Variants in DNAH1 observed in about 807,000 individuals in gnomAD.
DNAH1 encodes the protein dynein axonemal heavy chain 1, also known as axonemal beta dynein heavy chain 1.
DNAH1 carries 327 observed loss-of-function variants against 484.3 expected under a neutral mutation model. The observed-to-expected ratio is 0.68, with a 90% CI of 0.62 to 0.74. The LOEUF is 0.74. DNAH1 is among the 30% of genes least tolerant of loss of function. DNAH1 has a pLI of 0.00. For synonymous variants in DNAH1, 2,192 were observed against 2,191.9 expected, an observed-to-expected ratio of 1.00 and a Z score of 0.00; for missense variants, 5,052 against 5,546.8, an observed-to-expected ratio of 0.91 and a Z score of 2.83.
Position 52,354,871 on chromosome 3 carries a change from C to T in DNAH1, c.3509C>T (p.Ser1170Leu), listed in dbSNP as rs376804969. ...CTGGACAAGATGGAGAAGGAGTGGT[C>T]GACCATCCTGTTCAATGTACTGCCC... ...QALDKMEKEW[S>L]TILFNVLPYK... is the part of the protein sequence containing the mutation. The change falls in exon 21 of 78, where the codon TCG (serine) becomes TTG (leucine). Residue 1170 changes from serine (S) to leucine (L), a missense_variant. Transcript: ENST00000420323. 18 of 1,613,682 alleles carry T rather than the reference C, an allele frequency of 1.1e-5. No homozygotes were observed. The highest frequency in any genetic ancestry group is 1.0e-4 in the Admixed American group (6 of 59,994).
intron 16 of DNAH1, 127 bp downstream of exon 16, chr3:52,350,717 G>A: frequency 3.4e-6 from 3 of 892,086 alleles, no homozygotes; most frequent in Non-Finnish European, 5.3e-6. Flanking sequence ...ACCCCACTGA[G>A]ATTTCAGAGG....
At chr3:52,350,264 G>A (rs1049632278) in intron 15 of DNAH1, among the ~76,000 whole-genome samples, 156 bp downstream of exon 15, 5 of 152,070 alleles carry the variant, frequency 3.3e-5, no homozygotes, top group Non-Finnish European at 5.9e-5. Context: ...GTTGTGAGCC[G>A]GGGCTTCAGA....
chr3:52,373,882 C>T lies in DNAH1; in HGVS notation c.6985+829C>T. The stretch of plus-strand genomic sequence containing the variant: ...GCAGTTAACATGTTTCGAATATTAC[C>T]ACCTTCCTCCAATCCTACGGGAGCA... On this transcript the variant is annotated intron_variant, in intron 44 of 77. Coordinates refer to ENST00000420323, the MANE Select transcript of DNAH1 (RefSeq NM_015512.5). 2.9e-6 allele frequency: 4 copies of T among 1,391,248 alleles called. No individual in the cohort carries two copies. The South Asian group carries it at 3.5e-5, about 12-fold the overall frequency. The allele number at this position is 1,391,248 out of a possible 1,614,324, so 86.2% of individuals were successfully genotyped here. A position where few individuals can be genotyped will look rare whatever the true frequency, so the allele number is the denominator to read the frequency against.
intron 6 of DNAH1, among the ~76,000 whole-genome samples, chr3:52,329,414 A>AG (rs1701461328): frequency 6.6e-6 from 1 of 152,190 alleles, no homozygotes. Flanking sequence ...AAAATAGGTG[A>AG]GCTATAGACC....
chr3:52,323,699 G>A (rs1701232169), intron 2 of DNAH1, 109 bp from the exon 3 acceptor site: 5 of 717,656 alleles, frequency 7.0e-6, no homozygotes, highest in Non-Finnish European at 1.2e-5. Flanking sequence ...TGCTCCTGGA[G>A]TGCTCCCTGG....
rs772936323 is a variant in DNAH1 at position 52,354,845 on chromosome 3, A to G, written c.3483A>G (p.Ala1161=). ...VAGKEYAIEQ[A]LDKMEKEWST... ...GCCTGGCTTGTCCCCGACCCCAGGC[A>G]CTGGACAAGATGGAGAAGGAGTGGT... The change falls in exon 21 of 78, where the codon GCA becomes GCG. Residue 1161 remains alanine (A), a splice_region_variant and synonymous_variant. Transcript: ENST00000420323. The G allele has an allele frequency of 6.2e-7, 1 of 1,613,408 alleles. No homozygotes were observed. Among genetic ancestry groups the G allele is most frequent in the Non-Finnish European group, 8.5e-7 (1 of 1,179,830 alleles).
chr3:52,384,686 TG>T, intron 52 of DNAH1, 99 bp from the exon 53 acceptor site: 1 of 1,241,742 alleles, frequency 8.1e-7, no homozygotes, highest in Non-Finnish European at 1.1e-6. Flanking sequence ...GTTCCTGCTG[TG>T]GCCCCCTCCT....
intron 76 of DNAH1, 127 bp from the exon 77 acceptor site, chr3:52,399,418 G>A (rs1422870274): frequency 1.0e-6 from 1 of 980,016 alleles, no homozygotes; most frequent in Non-Finnish European, 1.5e-6. Flanking sequence ...ATGGGCTAAA[G>A]TGGTAGGTAC....
rs371591163 is a variant in DNAH1, at chr3:52,357,623, G to C, written c.3868G>C (p.Val1290Leu). The C allele has an allele frequency of 2.5e-5, 40 of 1,600,362 alleles. No homozygotes were observed. In the African/African-American group the frequency reaches 5.0e-4, roughly 20 times the overall value. The change falls in exon 23 of 78, where the codon GTG (valine) becomes CTG (leucine). Residue 1290 changes from valine to leucine, a missense_variant. This residue lies in a region of DNAH1 where 2,929 missense variants were observed against 3,409.4 expected (regional missense o/e 0.86). Coordinates refer to ENST00000420323, the MANE Select transcript of DNAH1 (RefSeq NM_015512.5). ...GGCCCGGGCCCTGCAGGTGATCAAT[G>C]TGTGTTCCGACCTGAGAATGCTGGA... The part of the protein sequence containing the change: ...NAYENREVIN[V>L]CSDLRMLDSL...
rs1010766404 is a variant in DNAH1 at position 52,363,121 on chromosome 3, T to G, written c.5221T>G (p.Ser1741Ala). 1 of 1,613,832 alleles carries G rather than the reference T, an allele frequency of 6.2e-7. No individual in the cohort carries two copies. The highest frequency in any genetic ancestry group is 1.3e-5 in the African/African-American group (1 of 74,932). The change falls in exon 32 of 78, where the codon TCT (serine) becomes GCT (alanine). Residue 1741 changes from serine (S) to alanine (A), a missense_variant. This residue lies in a region of DNAH1 where 2,929 missense variants were observed against 3,409.4 expected (regional missense o/e 0.86). Coordinates refer to ENST00000420323, the MANE Select transcript of DNAH1 (RefSeq NM_015512.5). ...AKKITTTFKLSSEQLSSQDHY... is the reference protein window; with the variant it reads ...AKKITTTFKLASEQLSSQDHY... Reference sequence around the variant, plus strand: ...GAAGATCACAACCACCTTCAAGCTGTCTTCTGAGCAGCTCAGCTCCCAGGT... The same window carrying G: ...GAAGATCACAACCACCTTCAAGCTGGCTTCTGAGCAGCTCAGCTCCCAGGT...
Position 52,364,959 on chromosome 3 carries a change from G to A in DNAH1, c.5458G>A (p.Gly1820Ser), listed in dbSNP as rs751526472. The change falls in exon 34 of 78, where the codon GGC becomes AGC. Residue 1820 changes from glycine to serine, a missense_variant. By Grantham distance (56) the Gly-to-Ser change is moderately conservative. Around this residue, in one of 4 missense-constraint regions of DNAH1, gnomAD observed 2,929 missense variants for 3,409.4 expected, o/e 0.86. Coordinates refer to ENST00000420323, the MANE Select transcript of DNAH1 (RefSeq NM_015512.5). The surrounding 1 kb of genome is among the most constrained non-coding windows in gnomAD (Gnocchi z 4.2). ...CATCAAGGAGGAGGACACGGACTACGGCATCCTGGATGAGGCCATCCGCGA... is the reference window on the plus strand; with the variant it reads ...CATCAAGGAGGAGGACACGGACTACAGCATCCTGGATGAGGCCATCCGCGA... ...PTIKEEDTDY[G>S]ILDEAIREAC... 1.1e-5 allele frequency: 18 copies of A among 1,613,828 alleles called. No homozygotes were observed. The highest frequency in any genetic ancestry group is 1.7e-5 in the Admixed American group (1 of 60,010).
At position 52,398,901 on chromosome 3, in the gene DNAH1, G is replaced by A. The variant is rs757818387; in HGVS notation, c.12141G>A (p.Lys4047=). ...VITQTLQDLL[K]ALKGLVVMSS... ...CACAGACACTGCAAGACCTACTCAAGGCACTCAAGGGGCTGGTAGTGATGT... is the reference window on the plus strand; with the variant it reads ...CACAGACACTGCAAGACCTACTCAAAGCACTCAAGGGGCTGGTAGTGATGT... Residue 4047 remains lysine, a synonymous_variant, in exon 76 of 78, where the codon AAG becomes AAA. Coordinates refer to ENST00000420323, the MANE Select transcript of DNAH1 (RefSeq NM_015512.5). The A allele has an allele frequency of 1.9e-6, 3 of 1,602,014 alleles. No homozygotes were observed. The South Asian group carries it at 3.4e-5, about 18-fold the overall frequency.
intron 2 of DNAH1, among the ~76,000 whole-genome samples, chr3:52,323,454 G>A (rs896622029): frequency 2.0e-5 from 3 of 152,228 alleles, no homozygotes; most frequent in Non-Finnish European, 4.4e-5. Context: ...CATTAAACCT[G>A]CAGTGCCAGT....
chr3:52,335,366 A>AT lies in DNAH1; in HGVS notation c.1286+2981dup, dbSNP rs1342946778. On this transcript the variant is annotated intron_variant, in intron 8 of 77. Coordinates refer to ENST00000420323, the MANE Select transcript of DNAH1 (RefSeq NM_015512.5). ...TATAAGCTTTTTAAAAAAATGTGTG[A>AT]TTTTTTTTTGCTTTTTAAACAAAAA... Among the ~76,000 whole-genome samples the AT allele has an allele frequency of 2.0e-4, 17 of 84,400 alleles. No individual in the cohort carries two copies. The East Asian group carries it at 2.3e-3, about 11-fold the overall frequency. The allele number at this position is 84,400 out of a possible 152,430, so 55.4% of individuals were successfully genotyped here. A position where few individuals can be genotyped will look rare whatever the true frequency, so the allele number is the denominator to read the frequency against.
In DNAH1 at chr3:52,382,370, C is replaced by T. The variant is rs778446131; in HGVS notation, c.7856C>T (p.Ser2619Phe). ...GAACTATCCAAGAACTACGGCATGT[C>T]CGAGTGGCGAGATGATGTGAAGAAG... ...QIELSKNYGM[S>F]EWRDDVKKVL... Residue 2619 changes from serine to phenylalanine, a missense_variant, in exon 50 of 78, where the codon TCC (serine) becomes TTC (phenylalanine). Physicochemically the swap from Ser to Phe is radical, Grantham distance 155. Around this residue, in one of 4 missense-constraint regions of DNAH1, gnomAD observed 2,929 missense variants for 3,409.4 expected, o/e 0.86. Transcript: ENST00000420323. 6.2e-6 allele frequency: 10 copies of T among 1,613,882 alleles called. No homozygotes were observed. The African/African-American group carries it at 1.1e-4, about 17-fold the overall frequency.
At position 52,374,666 on chromosome 3, in the gene DNAH1, C is replaced by A. The variant is rs150139223; in HGVS notation, c.6986-574C>A. The stretch of plus-strand genomic sequence containing the variant: ...ACAATGCAGCGAAGATTCTGCCCAT[C>A]ATGTTTCCTTCCTTGTACCACAACT... On this transcript the variant is annotated intron_variant, in intron 44 of 77. Transcript: ENST00000420323. 383 of 1,450,522 alleles carry A rather than the reference C, an allele frequency of 2.6e-4. No homozygotes were observed. In the African/African-American group the frequency reaches 5.0e-3, roughly 19 times the overall value. 89.9% of individuals were successfully genotyped at this position (1,450,522 alleles called of 1,614,324 possible).
chr3:52,351,003 C>A (rs1489600269), intron 16 of DNAH1, among the ~76,000 whole-genome samples: 3 of 152,246 alleles, frequency 2.0e-5, no homozygotes, highest in African/African-American at 7.2e-5. Context: ...GTGCCCACCA[C>A]CATGCCCGGC....
At chr3:52,323,975 C>T in intron 3 of DNAH1, 95 bp downstream of exon 3, 12 of 935,098 alleles carry the variant, frequency 1.3e-5, no homozygotes, top group Non-Finnish European at 1.8e-5. Context: ...GGCTGTGGGC[C>T]CCAGCTTCCT....
intron 22 of DNAH1, among the ~76,000 whole-genome samples, chr3:52,357,130 G>T (rs1013259298): frequency 7.9e-5 from 12 of 151,364 alleles, no homozygotes; most frequent in Admixed American, 3.3e-4. Context: ...CACCTCCCTG[G>T]TTCACCTCCC....
Sources: gnomAD v4.1 joint callset for allele counts (sites outside exome capture counted in the v4.1 genomes callset) on GRCh38, gnomAD v4.1.1 for gene constraint, gnomAD v4.1.1 regional missense constraint, Gnocchi (gnomAD v3.1) non-coding constraint, MANE v1.5 for transcripts, NCBI Gene and HGNC (gene_info 2026-07-23, HGNC 2026-07-21) for gene names.